Variants in PRKD3 observed in about 807,000 individuals in gnomAD.
PRKD3 encodes the protein serine/threonine-protein kinase D3.
In PRKD3, 47 loss-of-function variants were observed where a neutral mutation model predicts 99.2. That is an observed-to-expected ratio of 0.47 (90% CI 0.38 to 0.60). The LOEUF is 0.60. Among genes scored for constraint, PRKD3 ranks in the 20% least tolerant of loss-of-function variants. The probability of loss-of-function intolerance (pLI) is 0.00; values close to 1 mark genes in which losing one functional copy is unlikely to be tolerated. For missense variants in PRKD3, 1,019 were observed against 1,088.4 expected, an observed-to-expected ratio of 0.94 and a Z score of 0.90; for synonymous variants, 392 against 355.4, an observed-to-expected ratio of 1.10 and a Z score of -1.16.
intron 2 of PRKD3, among the ~76,000 whole-genome samples, chr2:37,299,018 G>C (rs1467145188): frequency 7.5e-6 from 1 of 133,042 alleles, no homozygotes; most frequent in Non-Finnish European, 1.7e-5. Flanking sequence ...TTAGAGGAAA[G>C]GCTTTCAGTT....
chr2:37,250,843 ATTAC>A lies in PRKD3; in HGVS notation c.*2330_*2333del, dbSNP rs1413675792. The A allele has an allele frequency of 3.9e-5, 6 of 152,632 alleles. No homozygotes were observed. Among genetic ancestry groups the A allele is most frequent in the African/African-American group, 7.2e-5 (3 of 41,458 alleles). 9.5% of individuals were successfully genotyped at this position (152,632 alleles called of 1,614,324 possible). A position where few individuals can be genotyped will look rare whatever the true frequency, so the allele number is the denominator to read the frequency against. On this transcript the variant is annotated 3_prime_UTR_variant, in exon 19 of 19. Coordinates refer to ENST00000234179, the MANE Select transcript of PRKD3 (RefSeq NM_005813.6). ...TGTACATTATCAAATGTTTCTAGCA[ATTAC>A]TTCTTTTACAAACACGACTTAAAGA...
intron 13 of PRKD3, 78 bp downstream of exon 13, chr2:37,269,537 A>C: frequency 7.6e-7 from 1 of 1,317,000 alleles, no homozygotes; most frequent in Non-Finnish European, 1.1e-6. Flanking sequence ...ATGAGATGAC[A>C]AAACAGCTGG....
chr2:37,251,148 T>C lies in PRKD3; in HGVS notation c.*2029A>G, dbSNP rs1477055404. Reference sequence around the variant, plus strand: ...TGTGTGTGTTGATATAAACAGACTTTGGTGAAACTGGGAAGTCATCCTCTA... The same window carrying C: ...TGTGTGTGTTGATATAAACAGACTTCGGTGAAACTGGGAAGTCATCCTCTA... On this transcript the variant is annotated 3_prime_UTR_variant, in exon 19 of 19. Transcript: ENST00000234179. 6.6e-6 allele frequency: 1 copy of C among 152,628 alleles called. No homozygotes were observed. The highest frequency in any genetic ancestry group is 1.5e-5 in the Non-Finnish European group (1 of 68,038). The allele number at this position is 152,628 out of a possible 1,614,324, so 9.5% of individuals were successfully genotyped here.
Position 37,251,006 on chromosome 2 carries a change from G to A in PRKD3, c.*2171C>T, listed in dbSNP as rs1667445485. On this transcript the variant is annotated 3_prime_UTR_variant, in exon 19 of 19. Coordinates refer to ENST00000234179, the MANE Select transcript of PRKD3 (RefSeq NM_005813.6). ...ATACAAAGAGTGCAATTAATTTCAT[G>A]GCTTGTAAAGTTTGACTATGTAAGT... The A allele has an allele frequency of 6.6e-6, 1 of 152,526 alleles. No individual in the cohort carries two copies. Among genetic ancestry groups the A allele is most frequent in the Admixed American group, 6.6e-5 (1 of 15,262 alleles). The allele number at this position is 152,526 out of a possible 1,614,324, so 9.4% of individuals were successfully genotyped here. A position where few individuals can be genotyped will look rare whatever the true frequency, so the allele number is the denominator to read the frequency against.
chr2:37,316,087 T>C, intron 2 of PRKD3, 150 bp downstream of exon 2: 1 of 800,934 alleles, frequency 1.2e-6, no homozygotes, highest in Non-Finnish European at 2.0e-6. Context: ...AATTTCAGTC[T>C]TTAGCCTCAG....
intron 17 of PRKD3, 144 bp downstream of exon 17, chr2:37,256,518 T>TA (rs377723318): frequency 9.0e-7 from 1 of 1,111,306 alleles, no homozygotes; most frequent in African/African-American, 1.6e-5. Context: ...AAAAAACTGG[T>TA]AACTAGTTGA....
chr2:37,280,955 G>A (rs1280839117), intron 7 of PRKD3, among the ~76,000 whole-genome samples: 1 of 152,108 alleles, frequency 6.6e-6, no homozygotes, highest in Non-Finnish European at 1.5e-5. Context: ...GATCTGAATA[G>A]GTGCTTTTTT....
chr2:37,306,243 T>C (rs1671161235), intron 2 of PRKD3, among the ~76,000 whole-genome samples: 1 of 152,138 alleles, frequency 6.6e-6, no homozygotes, highest in African/African-American at 2.4e-5. Flanking sequence ...TGTGATCTGA[T>C]CAGGAAATTT....
chr2:37,296,088 T>C (rs533233662), intron 2 of PRKD3, among the ~76,000 whole-genome samples: 4 of 152,154 alleles, frequency 2.6e-5, no homozygotes, highest in East Asian at 1.9e-4. Context: ...CCAGAAACTA[T>C]AGCAAGTAAA....
In PRKD3 at chr2:37,307,414, C is replaced by T. The variant is rs569237194; in HGVS notation, c.288+8823G>A. On this transcript the variant is annotated intron_variant, in intron 2 of 18. Transcript: ENST00000234179. ...CAAACTAATTATCTGACAATCTAAG[C>T]TAGTGGGATCAGCTTGGGCACAACT... Among the ~76,000 whole-genome samples the T allele has an allele frequency of 5.5e-4, 84 of 152,302 alleles. 1 individual carries two copies. The highest frequency in any genetic ancestry group is 3.0e-3 in the Admixed American group (46 of 15,302).
intron 3 of PRKD3, 45 bp from the exon 4 acceptor site, chr2:37,291,044 C>T (rs755413928): frequency 2.4e-5 from 37 of 1,520,718 alleles, no homozygotes; most frequent in Middle Eastern, 1.8e-4. Context: ...ATTTGTACTG[C>T]GATGAGATTA....
intron 11 of PRKD3, among the ~76,000 whole-genome samples, chr2:37,274,113 C>T (rs1021452546): frequency 1.3e-5 from 2 of 152,110 alleles, no homozygotes; most frequent in African/African-American, 4.8e-5. Flanking sequence ...ATACTGACAA[C>T]CTTATGAAGT....
intron 1 of PRKD3, among the ~76,000 whole-genome samples, chr2:37,319,114 C>A (rs1572709841): frequency 6.6e-6 from 1 of 152,156 alleles, no homozygotes; most frequent in Non-Finnish European, 1.5e-5. Context: ...TTAATCCTCA[C>A]AGCAACTCAT....
chr2:37,300,674 A>T (rs1206926645), intron 2 of PRKD3, among the ~76,000 whole-genome samples: 1 of 152,196 alleles, frequency 6.6e-6, no homozygotes, highest in Non-Finnish European at 1.5e-5. Flanking sequence ...ATCCAGAAAA[A>T]TAGAAATAAA....
At chr2:37,254,989 T>C (rs569209415) in intron 17 of PRKD3, among the ~76,000 whole-genome samples, 1 of 152,340 alleles carries the variant, frequency 6.6e-6, no homozygotes, top group South Asian at 2.1e-4. Context: ...CCCTATATAA[T>C]GGTACATTTG....
rs1287611253 is a variant in PRKD3, at chr2:37,316,447, A to C, written c.78T>G (p.Ala26=). 3.7e-6 allele frequency: 6 copies of C among 1,614,264 alleles called. No homozygotes were observed. The highest frequency in any genetic ancestry group is 4.2e-6 in the Non-Finnish European group (5 of 1,180,054). Residue 26 remains alanine (A), a synonymous_variant, in exon 2 of 19, where the codon GCT becomes GCG. Coordinates refer to ENST00000234179, the MANE Select transcript of PRKD3 (RefSeq NM_005813.6). Reference sequence around the variant, plus strand: ...CCGTCTTAGGACTTGAACACGGAGAAGCAGCTGGAAGCACAGCAGGAATAG... The same window carrying C: ...CCGTCTTAGGACTTGAACACGGAGACGCAGCTGGAAGCACAGCAGGAATAG... ...PTAIPAVLPA[A]SPCSSPKTGL...
At chr2:37,298,860 T>C (rs1238441360) in intron 2 of PRKD3, among the ~76,000 whole-genome samples, 1 of 152,162 alleles carries the variant, frequency 6.6e-6, no homozygotes, top group Non-Finnish European at 1.5e-5. Context: ...GAAGATCATA[T>C]CGTCTGCAAA....
rs765090044 is a variant in PRKD3, at chr2:37,272,394, T to C, written c.1690A>G (p.Ile564Val). The change falls in exon 12 of 19, where the codon ATT becomes GTT. Residue 564 changes from isoleucine to valine, a missense_variant. By Grantham distance (29) the Ile-to-Val change is conservative. Coordinates refer to ENST00000234179, the MANE Select transcript of PRKD3 (RefSeq NM_005813.6). ...STSISVSNCQ[I>V]QENVDISTVY... The stretch of plus-strand genomic sequence containing the variant: ...CGATTACTTACCACATTCTCCTGAA[T>C]CTGACAATTAGATACAGAGATACTT... 1.2e-6 allele frequency: 2 copies of C among 1,606,958 alleles called. No homozygotes were observed. Among genetic ancestry groups the C allele is most frequent in the African/African-American group, 2.7e-5 (2 of 74,484 alleles).
chr2:37,316,477 G>C lies in PRKD3; in HGVS notation c.48C>G (p.Pro16=). The C allele has an allele frequency of 6.2e-7, 1 of 1,614,188 alleles. No homozygotes were observed. The highest frequency in any genetic ancestry group is 8.5e-7 in the Non-Finnish European group (1 of 1,180,018). The change falls in exon 2 of 19, where the codon CCC becomes CCG. Residue 16 remains proline, a synonymous_variant. Transcript: ENST00000234179. ...SPPSAQKSVL[P]TAIPAVLPAA... ...CTGGAAGCACAGCAGGAATAGCTGT[G>C]GGTAATACAGACTTCTGGGCTGATG...
Sources: allele counts gnomAD v4.1 joint callset (sites outside exome capture counted in the v4.1 genomes callset), GRCh38; gene constraint gnomAD v4.1.1; transcripts MANE v1.5; gene names NCBI Gene and HGNC (gene_info 2026-07-23, HGNC 2026-07-21).